Variants in ZNF791 observed in about 807,000 individuals in gnomAD.
ZNF791 encodes the protein zinc finger protein 791.
Under a neutral mutation model 11.5 loss-of-function variants are expected in ZNF791, and 4 were observed. The observed-to-expected ratio is 0.35, with a 90% CI of 0.17 to 0.80. ZNF791 has a LOEUF of 0.80. ZNF791 is among the 30% of genes least tolerant of loss of function. ZNF791 has a pLI of 0.53. For synonymous variants in ZNF791, 212 were observed against 228.1 expected (o/e 0.93, Z 0.64); for missense variants, 559 against 699.4 (o/e 0.80, Z 2.26).
chr19:12,611,382 T>C (rs1417818248), intron 1 of ZNF791, among the ~76,000 whole-genome samples: 1 of 152,178 alleles, frequency 6.6e-6, no homozygotes, highest in Non-Finnish European at 1.5e-5. Flanking sequence ...CAGTCCCTTC[T>C]TTCTTCCCAA....
At chr19:12,612,275 G>A in intron 1 of ZNF791, 1 of 293,256 alleles carries the variant, frequency 3.4e-6, no homozygotes, top group South Asian at 1.3e-4. Flanking sequence ...CTGGGCTCAA[G>A]CGATCCTCCA....
rs2023450025 is a variant in ZNF791 at position 12,627,763 on chromosome 19, T to G, written c.234T>G (p.Ser78Arg). The G allele has an allele frequency of 2.5e-6, 4 of 1,614,038 alleles. No individual in the cohort carries two copies. Among genetic ancestry groups the G allele is most frequent in the Non-Finnish European group, 3.4e-6 (4 of 1,179,898 alleles). ...GERLCEGKEGSQCAENFSPNL... is the reference protein window; with the variant it reads ...GERLCEGKEGRQCAENFSPNL... ...GACTCTGTGAAGGTAAAGAAGGTAG[T>G]CAATGTGCAGAAAACTTCAGTCCCA... The change falls in exon 4 of 4, where the codon AGT becomes AGG. Residue 78 changes from serine (S) to arginine (R), a missense_variant. Ser to Arg is a moderately radical substitution (Grantham distance 110, BLOSUM62 -1). Coordinates refer to ENST00000343325, the MANE Select transcript of ZNF791 (RefSeq NM_153358.3).
chr19:12,626,236 C>T (rs2023426553), intron 3 of ZNF791, among the ~76,000 whole-genome samples: 1 of 152,012 alleles, frequency 6.6e-6, no homozygotes. Flanking sequence ...AGGATGGTCA[C>T]GATCTCCTGA....
intron 1 of ZNF791, 63 bp downstream of exon 1, chr19:12,611,145 G>A: frequency 6.2e-7 from 1 of 1,604,636 alleles, no homozygotes; most frequent in East Asian, 2.2e-5. Flanking sequence ...GCCTCCCCAC[G>A]GTCACCTCCG....
At chr19:12,620,754 C>CTTTTTTTTTTTTTTTTTTT (rs1051381342) in intron 1 of ZNF791, among the ~76,000 whole-genome samples, 6 of 83,450 alleles carry the variant, frequency 7.2e-5, no homozygotes, top group African/African-American at 3.2e-4. Flanking sequence ...GATTTATGTT[C>CTTTTTTTTTTTTTTTTTTT]TTTTTTTTTT....
At chr19:12,623,880 CAG>C in intron 2 of ZNF791, 54 bp downstream of exon 2, 3 of 1,022,426 alleles carry the variant, frequency 2.9e-6, no homozygotes. Flanking sequence ...TGGGGGGGGA[CAG>C]AGTTTCACTA....
chr19:12,615,281 G>A (rs1034382191), intron 1 of ZNF791, among the ~76,000 whole-genome samples: 15 of 151,842 alleles, frequency 9.9e-5, no homozygotes, highest in Admixed American at 5.3e-4. Flanking sequence ...CTCCCACAGC[G>A]CATGGCCTCC....
At chr19:12,613,869 G>A (rs187408629) in intron 1 of ZNF791, among the ~76,000 whole-genome samples, 2 of 152,278 alleles carry the variant, frequency 1.3e-5, no homozygotes, top group East Asian at 3.9e-4. Context: ...AGGGGAAGAG[G>A]GGAGGATGTC....
chr19:12,620,853 C>T (rs1304184256), intron 1 of ZNF791, among the ~76,000 whole-genome samples: 5 of 149,886 alleles, frequency 3.3e-5, no homozygotes, highest in African/African-American at 9.9e-5. Flanking sequence ...CTCTGCCTCC[C>T]GGGTTCAAGC....
chr19:12,620,414 G>A (rs905528181), intron 1 of ZNF791, among the ~76,000 whole-genome samples: 2 of 151,682 alleles, frequency 1.3e-5, no homozygotes, highest in African/African-American at 4.8e-5. Context: ...GGGCTCAAAC[G>A]ATCTGCCCAC....
chr19:12,623,840 C>T lies in ZNF791; in HGVS notation c.130+14C>T, dbSNP rs2023387034. Reference sequence around the variant, plus strand: ...TGGCATCTATAGGTAAGGATGACATCATTTTTTCTTTTTTCTTTTTTTTTT... The same window carrying T: ...TGGCATCTATAGGTAAGGATGACATTATTTTTTCTTTTTTCTTTTTTTTTT... On this transcript the variant is annotated intron_variant, in intron 2 of 3. Coordinates refer to ENST00000343325, the MANE Select transcript of ZNF791 (RefSeq NM_153358.3). 5.8e-6 allele frequency: 6 copies of T among 1,031,612 alleles called. No individual in the cohort carries two copies. The highest frequency in any genetic ancestry group is 1.5e-5 in the South Asian group (1 of 67,546). 63.9% of individuals were successfully genotyped at this position (1,031,612 alleles called of 1,614,324 possible). A position where few individuals can be genotyped will look rare whatever the true frequency, so the allele number is the denominator to read the frequency against.
At position 12,631,441 on chromosome 19, in the gene ZNF791, A is replaced by G. The variant is rs1203462140; in HGVS notation, c.*2181A>G. On this transcript the variant is annotated 3_prime_UTR_variant, in exon 4 of 4. Coordinates refer to ENST00000343325, the MANE Select transcript of ZNF791 (RefSeq NM_153358.3). ...GATATAAATTCATCACACACGATAT[A>G]AAAGTTAAGGCAAGGCATGGTGGCT... The G allele has an allele frequency of 6.6e-6, 1 of 152,220 alleles. No homozygotes were observed. 9.4% of individuals were successfully genotyped at this position (152,220 alleles called of 1,614,324 possible). A position where few individuals can be genotyped will look rare whatever the true frequency, so the allele number is the denominator to read the frequency against.
chr19:12,622,809 CT>C (rs1275776213), intron 1 of ZNF791, among the ~76,000 whole-genome samples: 1 of 149,856 alleles, frequency 6.7e-6, no homozygotes, highest in Admixed American at 6.8e-5. Context: ...CAGAGAATTG[CT>C]TAAACCTGGA....
chr19:12,613,867 A>G (rs1010812382), intron 1 of ZNF791, among the ~76,000 whole-genome samples: 1 of 152,140 alleles, frequency 6.6e-6, no homozygotes, highest in African/African-American at 2.4e-5. Flanking sequence ...TTAGGGGAAG[A>G]GGGGAGGATG....
chr19:12,627,369 G>A (rs1341509468), intron 3 of ZNF791, among the ~76,000 whole-genome samples: 1 of 152,208 alleles, frequency 6.6e-6, no homozygotes, highest in Non-Finnish European at 1.5e-5. Flanking sequence ...GCTCACGCCT[G>A]TAATCCCAGC....
rs2145201208 is a variant in ZNF791 at position 12,633,126 on chromosome 19, T to A, written c.*3866T>A. 6.6e-6 allele frequency: 1 copy of A among 152,280 alleles called. No individual in the cohort carries two copies. Among genetic ancestry groups the A allele is most frequent in the South Asian group, 2.1e-4 (1 of 4,826 alleles). The allele number at this position is 152,280 out of a possible 1,614,324, so 9.4% of individuals were successfully genotyped here. A position where few individuals can be genotyped will look rare whatever the true frequency, so the allele number is the denominator to read the frequency against. On this transcript the variant is annotated 3_prime_UTR_variant, in exon 4 of 4. Coordinates refer to ENST00000343325, the MANE Select transcript of ZNF791 (RefSeq NM_153358.3). ...ATAAATAAATAAAATGAATTTCAGC[T>A]AGAAGAGCCTTATTCCATTTTCCTT...
intron 1 of ZNF791, among the ~76,000 whole-genome samples, chr19:12,622,764 C>T (rs1433145753): frequency 1.3e-5 from 2 of 151,872 alleles, no homozygotes; most frequent in Middle Eastern, 3.2e-3. Flanking sequence ...CGTGGTGGCA[C>T]GCGCCTATAA....
intron 3 of ZNF791, among the ~76,000 whole-genome samples, chr19:12,626,978 C>T (rs56294777): frequency 0.51 from 76,966 of 151,818 alleles, 22,409 homozygotes; most frequent in Non-Finnish European, 0.67. Context: ...CTCAGGAGTT[C>T]GAAACCAGCC....
chr19:12,627,657 C>A, intron 3 of ZNF791, 64 bp from the exon 4 acceptor site: 1 of 1,376,992 alleles, frequency 7.3e-7, no homozygotes, highest in Non-Finnish European at 9.9e-7. Flanking sequence ...AGTTCTACTA[C>A]CCGATAATAC....
Sources: allele counts gnomAD v4.1 joint callset (sites outside exome capture counted in the v4.1 genomes callset), GRCh38; gene constraint gnomAD v4.1.1; transcripts MANE v1.5; gene names NCBI Gene and HGNC (gene_info 2026-07-23, HGNC 2026-07-21).